NR5A2: variants seen among roughly 807,000 people sequenced by gnomAD.
NR5A2 encodes the protein nuclear receptor subfamily 5 group A member 2.
Under a neutral mutation model 62.7 loss-of-function variants are expected in NR5A2, and 26 were observed. The observed-to-expected ratio is 0.41, with a 90% CI of 0.30 to 0.58. The LOEUF is 0.58. Ranked by LOEUF, NR5A2 falls within the 20% of genes least tolerant of loss-of-function variation. The probability of loss-of-function intolerance (pLI) is 0.22; values close to 1 mark genes in which losing one functional copy is unlikely to be tolerated. For missense variants in NR5A2, 541 were observed against 669.1 expected (o/e 0.81, Z 2.11); for synonymous variants, 246 against 241.7 (o/e 1.02, Z -0.16).
intron 7 of NR5A2, among the ~76,000 whole-genome samples, chr1:200,164,354 C>T (rs1653794913): frequency 6.6e-6 from 1 of 152,178 alleles, no homozygotes; most frequent in Non-Finnish European, 1.5e-5. Flanking sequence ...GGAATTCGTT[C>T]TTGGGAGGAA....
intron 7 of NR5A2, among the ~76,000 whole-genome samples, chr1:200,121,503 G>T (rs1459177980): frequency 2.0e-5 from 3 of 152,148 alleles, no homozygotes; most frequent in Non-Finnish European, 2.9e-5. Flanking sequence ...GATTCTTTAG[G>T]AAAGCTTTGG....
intron 7 of NR5A2, among the ~76,000 whole-genome samples, chr1:200,166,084 T>G (rs1365466924): frequency 6.6e-6 from 1 of 152,194 alleles, no homozygotes; most frequent in Non-Finnish European, 1.5e-5. Context: ...TGTGACTGGC[T>G]TATTTCACTT....
chr1:200,073,532 T>C (rs908366614), intron 5 of NR5A2, among the ~76,000 whole-genome samples: 1 of 151,816 alleles, frequency 6.6e-6, no homozygotes, highest in African/African-American at 2.4e-5. Context: ...AGAGTATAAG[T>C]AGTTGTTACA....
intron 7 of NR5A2, among the ~76,000 whole-genome samples, chr1:200,154,058 G>A (rs1355465398): frequency 1.3e-5 from 2 of 152,152 alleles, no homozygotes; most frequent in Non-Finnish European, 2.9e-5. Context: ...ATTATGGTAA[G>A]AAAAATAATT....
intron 5 of NR5A2, among the ~76,000 whole-genome samples, chr1:200,061,120 C>CAAA (rs34729240): frequency 5.3e-5 from 4 of 75,378 alleles, no homozygotes; most frequent in Non-Finnish European, 1.1e-4. Flanking sequence ...AACTCCGTCT[C>CAAA]AAAAAAAAAA....
At chr1:200,141,160 G>A (rs1000603164) in intron 7 of NR5A2, among the ~76,000 whole-genome samples, 4 of 152,128 alleles carry the variant, frequency 2.6e-5, no homozygotes, top group South Asian at 2.1e-4. Context: ...GTGTTGGGGG[G>A]TGGGTTCTGG....
At position 200,099,343 on chromosome 1, in the gene NR5A2, CTT is replaced by C. The variant is rs11301306; in HGVS notation, c.1111-11847_1111-11846del. ...CAAGGACATTTTAGCCTCTATAAGC[CTT>C]TTTTTTTTTTTCCTGGCTTTGTAAA... On this transcript the variant is annotated intron_variant, in intron 5 of 7. Coordinates refer to ENST00000367362, the MANE Select transcript of NR5A2 (RefSeq NM_205860.3). 9.8e-3 allele frequency among the ~76,000 whole-genome samples: 1,436 copies of C among 147,196 alleles called. 20 individuals are homozygous for C. Among genetic ancestry groups the C allele is most frequent in the African/African-American group, 0.029 (1,182 of 40,236 alleles).
Position 200,120,973 on chromosome 1 carries a change from C to T in NR5A2, c.1378+18C>T, listed in dbSNP as rs1482386504. 1.9e-6 allele frequency: 3 copies of T among 1,613,278 alleles called. No individual in the cohort carries two copies. Among genetic ancestry groups the T allele is most frequent in the Admixed American group, 1.7e-5 (1 of 59,946 alleles). ...TAGTTTAGGTAAGAAATCCTTTTCT[C>T]ATGCTGTGCTCAACCAACGATTGCT... On this transcript the variant is annotated intron_variant, in intron 7 of 7. Transcript: ENST00000367362.
chr1:200,068,434 A>G (rs1480968181), intron 5 of NR5A2, among the ~76,000 whole-genome samples: 1 of 152,076 alleles, frequency 6.6e-6, no homozygotes, highest in Non-Finnish European at 1.5e-5. Flanking sequence ...AACTTACTTA[A>G]TTTACTTCTA....
At chr1:200,166,630 C>T (rs1653915426) in intron 7 of NR5A2, among the ~76,000 whole-genome samples, 1 of 152,104 alleles carries the variant, frequency 6.6e-6, no homozygotes, top group Non-Finnish European at 1.5e-5. Context: ...AAAAAAACTC[C>T]AGGACTTTAA....
chr1:200,049,414 G>A (rs1296591434), intron 5 of NR5A2, among the ~76,000 whole-genome samples: 1 of 152,184 alleles, frequency 6.6e-6, no homozygotes, highest in Non-Finnish European at 1.5e-5. Context: ...TGGGCAAATG[G>A]TGAGTGCTAG....
intron 6 of NR5A2, among the ~76,000 whole-genome samples, chr1:200,116,665 G>A (rs928207983): frequency 6.6e-6 from 1 of 152,098 alleles, no homozygotes; most frequent in Non-Finnish European, 1.5e-5. Flanking sequence ...TTTGAATCAG[G>A]CATCTACATA....
At chr1:200,052,633 C>T (rs1230596094) in intron 5 of NR5A2, among the ~76,000 whole-genome samples, 1 of 151,396 alleles carries the variant, frequency 6.6e-6, no homozygotes, top group East Asian at 1.9e-4. Flanking sequence ...TTTGAAATGA[C>T]CTCTTTCTCA....
intron 7 of NR5A2, among the ~76,000 whole-genome samples, chr1:200,155,963 G>A (rs1481037176): frequency 6.6e-6 from 1 of 152,066 alleles, no homozygotes; most frequent in Non-Finnish European, 1.5e-5. Flanking sequence ...GTGAGCCACC[G>A]CGCCTGGCCC....
intron 7 of NR5A2, among the ~76,000 whole-genome samples, chr1:200,150,582 T>G (rs1653036397): frequency 6.6e-6 from 1 of 152,198 alleles, no homozygotes; most frequent in African/African-American, 2.4e-5. Flanking sequence ...AAGTTCAGTG[T>G]AGGTATAATT....
intron 7 of NR5A2, among the ~76,000 whole-genome samples, chr1:200,163,465 T>A (rs1653741070): frequency 6.6e-6 from 1 of 151,122 alleles, no homozygotes; most frequent in Non-Finnish European, 1.5e-5. Flanking sequence ...CTAGTGGGGG[T>A]GACGGGCAAT....
At chr1:200,093,401 A>G (rs1664911418) in intron 5 of NR5A2, among the ~76,000 whole-genome samples, 1 of 152,178 alleles carries the variant, frequency 6.6e-6, no homozygotes. Flanking sequence ...AATTCCTTGA[A>G]GAAATGGGCC....
At chr1:200,038,679 CCTT>C (rs758580922) in intron 1 of NR5A2, 70 of 1,364,900 alleles carry the variant, frequency 5.1e-5, no homozygotes, top group African/African-American at 1.5e-4. Context: ...CGCCCCCATC[CCTT>C]CTTCTTGCTT....
chr1:200,143,638 A>ATTTTTTT (rs11285826), intron 7 of NR5A2, among the ~76,000 whole-genome samples: 1 of 103,298 alleles, frequency 9.7e-6, no homozygotes, highest in Non-Finnish European at 1.9e-5. Flanking sequence ...ATTGTTCATA[A>ATTTTTTT]TTTTTTTTTT....
Sources: gnomAD v4.1 joint callset for allele counts (sites outside exome capture counted in the v4.1 genomes callset) on GRCh38, gnomAD v4.1.1 for gene constraint, MANE v1.5 for transcripts, NCBI Gene and HGNC (gene_info 2026-07-23, HGNC 2026-07-21) for gene names.